The following COL6A3 variants were observed in gnomAD, a reference collection of about 807,000 sequenced individuals.
COL6A3 encodes the protein collagen type VI alpha 3 chain.
A neutral mutation model predicts 274.1 loss-of-function variants in COL6A3; 137 were observed. The observed-to-expected ratio is 0.50, with a 90% confidence interval of 0.44 to 0.58. The LOEUF is 0.58. Ranked by LOEUF, COL6A3 falls within the 20% of genes least tolerant of loss-of-function variation. The pLI is 0.00. For synonymous variants in COL6A3, 1,650 were observed against 1,650.6 expected, an observed-to-expected ratio of 1.00 and a Z score of 0.01; for missense variants, 3,950 against 4,124.9, an observed-to-expected ratio of 0.96 and a Z score of 1.16.
At chr2:237,390,349 G>T (rs117412150) in intron 3 of COL6A3, among the ~76,000 whole-genome samples, 4 of 152,154 alleles carry the variant, frequency 2.6e-5, no homozygotes, top group Non-Finnish European at 5.9e-5. Flanking sequence ...TGGATAATTT[G>T]TCATCACTGA....
intron 7 of COL6A3, among the ~76,000 whole-genome samples, chr2:237,375,447 C>T (rs1324817096): frequency 1.3e-5 from 2 of 152,200 alleles, no homozygotes; most frequent in Non-Finnish European, 2.9e-5. Flanking sequence ...CTGTTGACAC[C>T]TTGATTTTAG....
chr2:237,390,654 G>T (rs1574746359), intron 3 of COL6A3, among the ~76,000 whole-genome samples: 1 of 152,188 alleles, frequency 6.6e-6, no homozygotes, highest in East Asian at 1.9e-4. Flanking sequence ...GACATCCCTG[G>T]AAGCTCTTTT....
chr2:237,374,704 T>A lies in COL6A3; in HGVS notation c.3387A>T (p.Thr1129=). The A allele has an allele frequency of 6.2e-7, 1 of 1,613,504 alleles. No individual in the cohort carries two copies. The stretch of plus-strand genomic sequence containing the variant: ...CGATCAGCAGCTGGGGCACACCTTC[T>A]GTTATCCTGCTTCCCGCAGAGCTGA... ...ILVSSAGSRI[T]EGVPQLLIVL... The change falls in exon 8 of 44, where the codon ACA becomes ACT. Residue 1129 remains threonine (T), a synonymous_variant. Coordinates refer to ENST00000295550, the MANE Select transcript of COL6A3 (RefSeq NM_004369.4). This position sits in a 1 kb window ranked among gnomAD's most constrained non-coding sequence, Gnocchi z 4.8.
chr2:237,350,290 G>T, intron 27 of COL6A3, 81 bp from the exon 28 acceptor site: 1 of 1,331,944 alleles, frequency 7.5e-7, no homozygotes, highest in Non-Finnish European at 1.1e-6. Flanking sequence ...TTTGCTCTAG[G>T]TAAGGGTGCT....
At position 237,340,684 on chromosome 2, in the gene COL6A3, C is replaced by T. The variant is rs1452278665; in HGVS notation, c.8232G>A (p.Thr2744=). 4 of 1,614,214 alleles carry T rather than the reference C, an allele frequency of 2.5e-6. No individual in the cohort carries two copies. The highest frequency in any genetic ancestry group is 1.7e-5 in the Admixed American group (1 of 60,034). ...RDLKIVVLML[T]GEVPEQQLEE... ...CCAGCTGCTGCTCCGGCACCTCGCC[C>T]GTCAGCATCAGGACCACAATTTTCA... The change falls in exon 38 of 44, where the codon ACG becomes ACA. Residue 2744 remains threonine, a synonymous_variant. Coordinates refer to ENST00000295550, the MANE Select transcript of COL6A3 (RefSeq NM_004369.4).
At chr2:237,384,592 A>G (rs1292033049) in intron 4 of COL6A3, among the ~76,000 whole-genome samples, 2 of 152,024 alleles carry the variant, frequency 1.3e-5, no homozygotes. Flanking sequence ...CCAGACCCCC[A>G]TCAGGAGACC....
intron 23 of COL6A3, among the ~76,000 whole-genome samples, chr2:237,356,626 G>A (rs1363673586): frequency 6.6e-6 from 1 of 152,132 alleles, no homozygotes; most frequent in Admixed American, 6.5e-5. Flanking sequence ...GTTCATTTCT[G>A]AGCAGAGACC....
chr2:237,385,318 C>T (rs376126442), intron 4 of COL6A3, among the ~76,000 whole-genome samples: 1 of 152,170 alleles, frequency 6.6e-6, no homozygotes, highest in African/African-American at 2.4e-5. Flanking sequence ...TGAATATTTA[C>T]AAGTTAATCA....
In COL6A3 at chr2:237,366,870, C is replaced by T. The variant is rs536696019; in HGVS notation, c.5317G>A (p.Val1773Met). The change falls in exon 11 of 44, where the codon GTG (valine) becomes ATG (methionine). Residue 1773 changes from valine (V) to methionine (M), a missense_variant. Physicochemically the swap from Val to Met is conservative, Grantham distance 21. Transcript: ENST00000295550. ...SLALTQRGVKVFAVGVRNIDS... is the reference protein window; with the variant it reads ...SLALTQRGVKMFAVGVRNIDS... ...ATATTCCTCACTCCAACAGCAAACA[C>T]TTTGACCCCCCTCTGGGTGAGGGCC... 2 of 1,614,260 alleles carry T rather than the reference C, an allele frequency of 1.2e-6. No homozygotes were observed. The highest frequency in any genetic ancestry group is 2.7e-5 in the African/African-American group (2 of 75,060).
intron 23 of COL6A3, 80 bp downstream of exon 23, chr2:237,357,258 C>T (rs1215211002): frequency 1.7e-6 from 2 of 1,201,416 alleles, no homozygotes; most frequent in East Asian, 2.3e-5. Context: ...TGTGGACTAA[C>T]CATGCACCAG....
chr2:237,382,692 A>G (rs1472551945), intron 4 of COL6A3, among the ~76,000 whole-genome samples: 1 of 152,246 alleles, frequency 6.6e-6, no homozygotes, highest in Non-Finnish European at 1.5e-5. Flanking sequence ...TTGCATGGCA[A>G]GTTGATTTTG....
intron 42 of COL6A3, 120 bp from the exon 43 acceptor site, chr2:237,325,844 C>T: frequency 1.3e-6 from 1 of 794,850 alleles, no homozygotes; most frequent in Middle Eastern, 3.3e-4. Context: ...GAAGAGCTTC[C>T]AGGTGAAAAC....
chr2:237,348,246 G>A (rs1301230564), intron 30 of COL6A3, 103 bp downstream of exon 30: 13 of 1,011,244 alleles, frequency 1.3e-5, no homozygotes, highest in Middle Eastern at 2.0e-4. Context: ...TAACTGAGTG[G>A]CTGACCCAAG....
chr2:237,366,884 T>C lies in COL6A3; in HGVS notation c.5303A>G (p.Gln1768Arg), dbSNP rs1351887146. 1.2e-6 allele frequency: 2 copies of C among 1,614,228 alleles called. No individual in the cohort carries two copies. Among genetic ancestry groups the C allele is most frequent in the Non-Finnish European group, 1.7e-6 (2 of 1,180,028 alleles). The change falls in exon 11 of 44, where the codon CAG (glutamine) becomes CGG (arginine). Residue 1768 changes from glutamine to arginine, a missense_variant. Coordinates refer to ENST00000295550, the MANE Select transcript of COL6A3 (RefSeq NM_004369.4). ...AACAGCAAACACTTTGACCCCCCTC[T>C]GGGTGAGGGCCAGGCTCACATCCTG... ...DAQDVSLALT[Q>R]RGVKVFAVGV...
At position 237,368,995 on chromosome 2, in the gene COL6A3, G is replaced by T; in HGVS notation, c.4468C>A (p.Leu1490Met). 2 of 1,614,224 alleles carry T rather than the reference G, an allele frequency of 1.2e-6. No homozygotes were observed. The highest frequency in any genetic ancestry group is 2.2e-5 in the South Asian group (2 of 91,084). Reference sequence around the variant, plus strand: ...GGGGCCTGGGATCTGTAGGTTTTCAGATAGAATTCTGGGAAGACATCATTG... The same window carrying T: ...GGGGCCTGGGATCTGTAGGTTTTCATATAGAATTCTGGGAAGACATCATTG... The part of the protein sequence containing the change: ...FSNDVFPEFY[L>M]KTYRSQAPVL... Residue 1490 changes from leucine (L) to methionine (M), a missense_variant, in exon 10 of 44, where the codon CTG becomes ATG. Physicochemically the swap from Leu to Met is conservative, Grantham distance 15. Transcript: ENST00000295550. The surrounding 1 kb of genome is among the most constrained non-coding windows in gnomAD (Gnocchi z 4.4).
Position 237,368,610 on chromosome 2 carries a change from G to T in COL6A3, c.4853C>A (p.Ala1618Asp). 1 of 1,614,140 alleles carries T rather than the reference G, an allele frequency of 6.2e-7. No individual in the cohort carries two copies. The highest frequency in any genetic ancestry group is 8.5e-7 in the Non-Finnish European group (1 of 1,180,018). The change falls in exon 10 of 44, where the codon GCC (alanine) becomes GAC (aspartate). Residue 1618 changes from alanine to aspartate, a missense_variant. By Grantham distance (126) the Ala-to-Asp change is moderately radical (BLOSUM62 -2). Coordinates refer to ENST00000295550, the MANE Select transcript of COL6A3 (RefSeq NM_004369.4). This position sits in a 1 kb window ranked among gnomAD's most constrained non-coding sequence, Gnocchi z 4.4. The part of the protein sequence containing the change: ...RIMNSFGPSA[A>D]TPAPPGVDTP... The stretch of plus-strand genomic sequence containing the variant: ...GTCCACCCCTGGAGGTGCAGGAGTG[G>T]CTGCGGAGGGTCCAAACGAGTTCAT...
chr2:237,361,561 G>A lies in COL6A3; in HGVS notation c.6156+178C>T, dbSNP rs779877506. On this transcript the variant is annotated intron_variant, in intron 15 of 43. Transcript: ENST00000295550. The surrounding 1 kb of genome is among the most constrained non-coding windows in gnomAD (Gnocchi z 5.1). ...CGCCTGAACCATCTTCACTGGAACA[G>A]GCCCCAGCAGAACAGCACGCAGGTC... Among the ~76,000 whole-genome samples, 2 of 152,196 alleles carry A rather than the reference G, an allele frequency of 1.3e-5. No homozygotes were observed. Among genetic ancestry groups the A allele is most frequent in the African/African-American group, 2.4e-5 (1 of 41,452 alleles).
Position 237,336,339 on chromosome 2 carries a change from T to C in COL6A3, c.8761A>G (p.Lys2921Glu). The change falls in exon 40 of 44, where the codon AAG becomes GAG. Residue 2921 changes from lysine to glutamate, a missense_variant. Transcript: ENST00000295550. ...GTGGCCATCTTTGTGGCCACAGGCT[T>C]GGCAGCCACAGGTTTCGCAGGGGCC... The part of the protein sequence containing the change: ...KPAPAKPVAA[K>E]PVATKMATVR... 6.2e-7 allele frequency: 1 copy of C among 1,613,466 alleles called. No individual in the cohort carries two copies. Among genetic ancestry groups the C allele is most frequent in the Non-Finnish European group, 8.5e-7 (1 of 1,179,544 alleles).
chr2:237,387,758 A>T lies in COL6A3; in HGVS notation c.1136T>A (p.Leu379His), dbSNP rs2078183939. The change falls in exon 4 of 44, where the codon CTT becomes CAT. Residue 379 changes from leucine to histidine, a missense_variant. Around this residue, in one of 5 missense-constraint regions of COL6A3, gnomAD observed 1,934 missense variants for 1,984.3 expected, o/e 0.97. Coordinates refer to ENST00000295550, the MANE Select transcript of COL6A3 (RefSeq NM_004369.4). ...TGCCCTGGAGGCGGCCTGGGCTCCA[A>T]GGCCGAATGAGAACACGCTAGCCTG... ...LKQASVFSFG[L>H]GAQAASRAEL... 6.2e-7 allele frequency: 1 copy of T among 1,613,950 alleles called. No homozygotes were observed. Among genetic ancestry groups the T allele is most frequent in the Non-Finnish European group, 8.5e-7 (1 of 1,179,992 alleles).
Sources: gnomAD v4.1 joint callset for allele counts (sites outside exome capture counted in the v4.1 genomes callset) on GRCh38, gnomAD v4.1.1 for gene constraint, gnomAD v4.1.1 regional missense constraint, Gnocchi (gnomAD v3.1) non-coding constraint, MANE v1.5 for transcripts, NCBI Gene and HGNC (gene_info 2026-07-23, HGNC 2026-07-21) for gene names.